RASA3: variants seen among roughly 807,000 people sequenced by gnomAD.
RASA3 encodes RAS p21 protein activator 3, also known as ras GTPase-activating protein 3.
In RASA3, 73 loss-of-function variants were observed where a neutral mutation model predicts 110.0. The ratio of observed to expected loss-of-function variants is 0.66; its 90% CI spans 0.55 to 0.81. The LOEUF is 0.81. RASA3 is among the 30% of genes least tolerant of loss of function. The pLI is 0.00. For synonymous variants in RASA3, 500 were observed against 451.4 expected (o/e 1.11, Z -1.37); for missense variants, 976 against 1,113.2 (o/e 0.88, Z 1.75).
chr13:114,013,319 C>T, intron 14 of RASA3, 71 bp from the exon 15 acceptor site: 1 of 1,164,512 alleles, frequency 8.6e-7, no homozygotes, highest in Non-Finnish European at 1.2e-6. Flanking sequence ...CATGCCCCGG[C>T]CCCCTGAGGG....
intron 1 of RASA3, among the ~76,000 whole-genome samples, chr13:114,121,147 C>A (rs1418440501): frequency 6.6e-6 from 1 of 152,220 alleles, no homozygotes; most frequent in Non-Finnish European, 1.5e-5. Flanking sequence ...ACAGCAGTTG[C>A]CAGAAAAGAT....
intron 1 of RASA3, among the ~76,000 whole-genome samples, chr13:114,089,177 C>T (rs1007103532): frequency 7.3e-5 from 11 of 151,426 alleles, no homozygotes; most frequent in Non-Finnish European, 1.3e-4. Flanking sequence ...TCTAATAGTT[C>T]TCATTAGAGG....
intron 1 of RASA3, among the ~76,000 whole-genome samples, chr13:114,101,289 T>G (rs953975484): frequency 3.9e-5 from 6 of 152,176 alleles, no homozygotes; most frequent in African/African-American, 1.2e-4. Flanking sequence ...CTGGGCCATG[T>G]GCTAGGAAGG....
intron 8 of RASA3, among the ~76,000 whole-genome samples, chr13:114,023,197 A>C (rs914619038): frequency 6.6e-6 from 1 of 152,184 alleles, no homozygotes; most frequent in Non-Finnish European, 1.5e-5. Context: ...CTCCAAAATG[A>C]CCTAAAGAAA....
intron 1 of RASA3, among the ~76,000 whole-genome samples, chr13:114,107,077 G>A (rs927381339): frequency 6.6e-6 from 1 of 152,226 alleles, no homozygotes; most frequent in Admixed American, 6.5e-5. Flanking sequence ...ATCTGGATCA[G>A]ATGTGCAGGC....
intron 1 of RASA3, among the ~76,000 whole-genome samples, chr13:114,129,965 GC>G (rs1398969195): frequency 6.6e-6 from 1 of 152,178 alleles, no homozygotes; most frequent in Non-Finnish European, 1.5e-5. Flanking sequence ...GCAAGTCAGA[GC>G]CAAGGTTGGC....
chr13:114,060,985 G>T (rs1023139191), intron 2 of RASA3, among the ~76,000 whole-genome samples: 1 of 144,840 alleles, frequency 6.9e-6, no homozygotes, highest in African/African-American at 2.8e-5. Flanking sequence ...CCCACAGCCG[G>T]CAGACGGAGC....
chr13:114,002,382 TGCCGAAC>T (rs1189458686), intron 18 of RASA3, among the ~76,000 whole-genome samples: 10 of 152,044 alleles, frequency 6.6e-5, no homozygotes, highest in Middle Eastern at 3.4e-3. Flanking sequence ...AACCAGTGGA[TGCCGAAC>T]GCCGTTCATT....
chr13:114,117,385 CGTGT>C (rs1283648275), intron 1 of RASA3, among the ~76,000 whole-genome samples: 1 of 137,398 alleles, frequency 7.3e-6, no homozygotes, highest in Non-Finnish European at 1.5e-5. Flanking sequence ...GAGGGGAGCA[CGTGT>C]GTGAGGGGAG....
At chr13:114,055,955 C>A (rs1010721069) in intron 2 of RASA3, among the ~76,000 whole-genome samples, 1 of 152,250 alleles carries the variant, frequency 6.6e-6, no homozygotes, top group Non-Finnish European at 1.5e-5. Context: ...GCACCGATAG[C>A]CAAGCTGCCA....
At chr13:114,097,861 C>G (rs956648504) in intron 1 of RASA3, among the ~76,000 whole-genome samples, 2 of 152,200 alleles carry the variant, frequency 1.3e-5, no homozygotes, top group Admixed American at 6.5e-5. Context: ...TCTCAAGGCC[C>G]CACCATGGGG....
In RASA3 at chr13:113,978,406, C is replaced by T. The variant is rs2052827590; in HGVS notation, c.*941G>A. 6.6e-6 allele frequency: 1 copy of T among 152,134 alleles called. No individual in the cohort carries two copies. The highest frequency in any genetic ancestry group is 1.9e-4 in the East Asian group (1 of 5,208). 9.4% of individuals were successfully genotyped at this position (152,134 alleles called of 1,614,324 possible). A position where few individuals can be genotyped will look rare whatever the true frequency, so the allele number is the denominator to read the frequency against. On this transcript the variant is annotated 3_prime_UTR_variant, in exon 24 of 24. Coordinates refer to ENST00000334062, the MANE Select transcript of RASA3 (RefSeq NM_007368.4). The stretch of plus-strand genomic sequence containing the variant: ...TTCCATTTGCCTTCCCGGCAGCCTT[C>T]CCTTTAGTGGGTATAGGTTTTGACG...
chr13:114,004,281 C>A (rs965045172), intron 18 of RASA3, among the ~76,000 whole-genome samples: 1 of 151,808 alleles, frequency 6.6e-6, no homozygotes, highest in Non-Finnish European at 1.5e-5. Flanking sequence ...AGCAAACAGA[C>A]GACCTGCAGA....
At chr13:114,027,730 C>T in intron 6 of RASA3, 117 bp downstream of exon 6, 2 of 1,121,518 alleles carry the variant, frequency 1.8e-6, no homozygotes, top group Non-Finnish European at 2.7e-6. Flanking sequence ...AATTCACATT[C>T]TACCTCAAAG....
chr13:114,064,617 C>T (rs546881055), intron 2 of RASA3, among the ~76,000 whole-genome samples: 1 of 152,334 alleles, frequency 6.6e-6, no homozygotes, highest in African/African-American at 2.4e-5. Flanking sequence ...ACCGGCTGAA[C>T]GCTAGGGCAT....
intron 23 of RASA3, among the ~76,000 whole-genome samples, chr13:113,979,857 G>C (rs1479289448): frequency 6.6e-6 from 1 of 151,980 alleles, no homozygotes; most frequent in African/African-American, 2.4e-5. Context: ...CTCATACCAT[G>C]TGTGTGCACC....
intron 2 of RASA3, among the ~76,000 whole-genome samples, chr13:114,070,331 G>A (rs1594420262): frequency 6.6e-6 from 1 of 152,122 alleles, no homozygotes; most frequent in Middle Eastern, 3.4e-3. Flanking sequence ...AGCATGTGGG[G>A]CAGCCCTGCC....
intron 1 of RASA3, among the ~76,000 whole-genome samples, chr13:114,128,274 C>T (rs1229712599): frequency 6.6e-6 from 1 of 152,250 alleles, no homozygotes; most frequent in Non-Finnish European, 1.5e-5. Flanking sequence ...AAACACTTCT[C>T]TTACCTGAGT....
chr13:114,024,844 AG>A (rs1187482543), intron 7 of RASA3, among the ~76,000 whole-genome samples: 2 of 152,098 alleles, frequency 1.3e-5, no homozygotes, highest in African/African-American at 4.8e-5. Context: ...CCAGCACTCC[AG>A]GGAGGGTCAG....
Sources: gnomAD v4.1 joint callset for allele counts (sites outside exome capture counted in the v4.1 genomes callset) on GRCh38, gnomAD v4.1.1 for gene constraint, MANE v1.5 for transcripts, NCBI Gene and HGNC (gene_info 2026-07-23, HGNC 2026-07-21) for gene names.